The following GLT8D2 variants were observed in gnomAD, a reference collection of about 807,000 sequenced individuals.
GLT8D2 encodes glycosyltransferase 8 domain-containing protein 2.
A neutral mutation model predicts 44.5 loss-of-function variants in GLT8D2; 45 were observed. The observed-to-expected ratio is 1.01, with a 90% CI of 0.80 to 1.30. The LOEUF (loss-of-function observed/expected upper bound fraction) is 1.30, where lower values mean the gene tolerates loss of function less well. GLT8D2 is among the 50% of genes most tolerant of loss of function. GLT8D2 has a pLI of 0.00. For synonymous variants in GLT8D2, 156 were observed against 157.2 expected, an observed-to-expected ratio of 0.99 and a Z score of 0.06; for missense variants, 400 against 430.4, an observed-to-expected ratio of 0.93 and a Z score of 0.62.
intron 1 of GLT8D2, among the ~76,000 whole-genome samples, chr12:104,022,191 AT>A (rs1194230938): frequency 1.3e-5 from 2 of 152,156 alleles, no homozygotes; most frequent in Admixed American, 1.3e-4. Context: ...CAGCAATAAT[AT>A]TCCAGGGGAT....
chr12:103,999,571 C>A, intron 5 of GLT8D2, 57 bp from the exon 6 acceptor site: 1 of 1,015,738 alleles, frequency 9.8e-7, no homozygotes. Flanking sequence ...CCTCCATTTG[C>A]CTATTGCCCC....
At chr12:104,008,128 A>C (rs1476484086) in intron 4 of GLT8D2, among the ~76,000 whole-genome samples, 1 of 152,228 alleles carries the variant, frequency 6.6e-6, no homozygotes, top group African/African-American at 2.4e-5. Context: ...ATATGGAAGC[A>C]ACTTTGGAAC....
chr12:104,006,626 C>T (rs1042000863), intron 4 of GLT8D2, among the ~76,000 whole-genome samples: 1 of 152,146 alleles, frequency 6.6e-6, no homozygotes, highest in Non-Finnish European at 1.5e-5. Flanking sequence ...AGAATCCACC[C>T]CTGAGCCTTT....
intron 1 of GLT8D2, chr12:104,029,834 A>T (rs958270193): frequency 1.3e-5 from 2 of 152,186 alleles, no homozygotes; most frequent in Non-Finnish European, 2.9e-5. Flanking sequence ...TAGATCTAAC[A>T]TTCTAGAACT....
intron 1 of GLT8D2, among the ~76,000 whole-genome samples, chr12:104,032,769 T>G (rs1005325655): frequency 4.6e-5 from 7 of 151,782 alleles, no homozygotes; most frequent in Admixed American, 3.9e-4. Context: ...CTCAAAAAAT[T>G]CAAAATAGAG....
At chr12:104,034,305 C>T (rs1879687435) in intron 1 of GLT8D2, among the ~76,000 whole-genome samples, 1 of 152,220 alleles carries the variant, frequency 6.6e-6, no homozygotes, top group South Asian at 2.1e-4. Context: ...GTGGGTGCAG[C>T]CCACAGAGGG....
At chr12:104,008,787 T>C (rs926433953) in intron 4 of GLT8D2, among the ~76,000 whole-genome samples, 1 of 152,176 alleles carries the variant, frequency 6.6e-6, no homozygotes, top group Admixed American at 6.5e-5. Context: ...GTGCCCTGTG[T>C]CCCAGCCACT....
chr12:104,045,277 T>C (rs1880959894), intron 1 of GLT8D2, among the ~76,000 whole-genome samples: 1 of 152,216 alleles, frequency 6.6e-6, no homozygotes, highest in Non-Finnish European at 1.5e-5. Context: ...TTCCTGCTAC[T>C]GTCACAACAA....
intron 3 of GLT8D2, among the ~76,000 whole-genome samples, chr12:104,016,426 C>A (rs1876601378): frequency 6.6e-6 from 1 of 151,936 alleles, no homozygotes; most frequent in South Asian, 2.1e-4. Flanking sequence ...CACTGGAGGC[C>A]AGGAGTTTGA....
At chr12:104,012,184 AAAAAAAT>A (rs1418191806) in intron 4 of GLT8D2, among the ~76,000 whole-genome samples, 2 of 85,556 alleles carry the variant, frequency 2.3e-5, no homozygotes, top group African/African-American at 8.8e-5. Context: ...AAAAAAAAAA[AAAAAAAT>A]ATATATATAT....
intron 3 of GLT8D2, 144 bp downstream of exon 3, chr12:104,019,486 G>C (rs112812135): frequency 5.5e-5 from 37 of 669,004 alleles, no homozygotes; most frequent in African/African-American, 5.1e-4. Flanking sequence ...ATCTGGAAAT[G>C]ATGATGCCAA....
chr12:104,015,077 G>T lies in GLT8D2; in HGVS notation c.48C>A (p.Ile16=). The T allele has an allele frequency of 1.2e-6, 2 of 1,613,594 alleles. No homozygotes were observed. The highest frequency in any genetic ancestry group is 1.7e-6 in the Non-Finnish European group (2 of 1,179,640). The change falls in exon 4 of 11, where the codon ATC becomes ATA. Residue 16 remains isoleucine (I), a synonymous_variant. Coordinates refer to ENST00000360814, the MANE Select transcript of GLT8D2 (RefSeq NM_001384711.1). ...TATACAGAATCACACAGAGGGTCAC[G>T]ATCAGAAGGAACAGCAGCACCTGAT... The part of the protein sequence containing the change: ...KINQVLLFLL[I]VTLCVILYKK...
intron 1 of GLT8D2, among the ~76,000 whole-genome samples, chr12:104,022,526 G>A (rs1339507303): frequency 1.3e-5 from 2 of 152,186 alleles, no homozygotes; most frequent in African/African-American, 4.8e-5. Flanking sequence ...GTAGAAAAAG[G>A]GAGATTTTTT....
chr12:104,000,795 GAC>G (rs551063337), intron 5 of GLT8D2, among the ~76,000 whole-genome samples: 14 of 152,170 alleles, frequency 9.2e-5, no homozygotes, highest in Admixed American at 2.6e-4. Flanking sequence ...TGAGAAATGA[GAC>G]AGAAAATCCA....
intron 1 of GLT8D2, among the ~76,000 whole-genome samples, chr12:104,048,828 G>A (rs901915086): frequency 5.9e-5 from 9 of 152,164 alleles, no homozygotes; most frequent in African/African-American, 1.9e-4. Flanking sequence ...TACTTTGCAG[G>A]TCCTGTATTA....
intron 5 of GLT8D2, among the ~76,000 whole-genome samples, chr12:104,002,786 A>C (rs1441061440): frequency 6.6e-6 from 1 of 152,132 alleles, no homozygotes; most frequent in Non-Finnish European, 1.5e-5. Context: ...TCCACAAAAA[A>C]ATTAGAAAAT....
chr12:104,008,773 C>T (rs934023301), intron 4 of GLT8D2, among the ~76,000 whole-genome samples: 12 of 152,342 alleles, frequency 7.9e-5, no homozygotes, highest in Admixed American at 2.6e-4. Flanking sequence ...AGCCTAGGGA[C>T]GTGGTGCCCT....
intron 1 of GLT8D2, among the ~76,000 whole-genome samples, chr12:104,061,602 T>G (rs1882653804): frequency 6.6e-6 from 1 of 152,216 alleles, no homozygotes; most frequent in Non-Finnish European, 1.5e-5. Flanking sequence ...AAAATATTAA[T>G]AGATAAATAT....
At chr12:104,032,493 A>T (rs1879409275) in intron 1 of GLT8D2, among the ~76,000 whole-genome samples, 1 of 130,060 alleles carries the variant, frequency 7.7e-6, no homozygotes. Flanking sequence ...AAAAAAAAAT[A>T]GGCAAAGGAC....
Sources: gnomAD v4.1 joint callset for allele counts (sites outside exome capture counted in the v4.1 genomes callset) on GRCh38, gnomAD v4.1.1 for gene constraint, MANE v1.5 for transcripts, NCBI Gene and HGNC (gene_info 2026-07-23, HGNC 2026-07-21) for gene names.